PHACTR1: variants seen among roughly 807,000 people sequenced by gnomAD.
PHACTR1 encodes phosphatase and actin regulator 1.
A neutral mutation model predicts 69.2 loss-of-function variants in PHACTR1; 16 were observed. That is an observed-to-expected ratio of 0.23 (90% CI 0.16 to 0.35). The LOEUF (loss-of-function observed/expected upper bound fraction) is 0.35. PHACTR1 is among the 10% of genes least tolerant of loss of function. PHACTR1 has a pLI of 1.00. For synonymous variants in PHACTR1, 312 were observed against 284.5 expected, an observed-to-expected ratio of 1.10 and a Z score of -0.97; for missense variants, 510 against 734.7, an observed-to-expected ratio of 0.69 and a Z score of 3.54.
At chr6:13,126,742 A>G (rs1023379544) in intron 5 of PHACTR1, among the ~76,000 whole-genome samples, 3 of 152,242 alleles carry the variant, frequency 2.0e-5, no homozygotes, top group African/African-American at 7.2e-5. Context: ...AAATGTAAAG[A>G]GGTTCAGTAA....
chr6:13,190,373 T>G (rs1763408880), intron 7 of PHACTR1, among the ~76,000 whole-genome samples: 1 of 151,908 alleles, frequency 6.6e-6, no homozygotes, highest in Non-Finnish European at 1.5e-5. Flanking sequence ...CTTATCATAT[T>G]AGGGTTCCAT....
chr6:12,735,866 T>G (rs909212288), intron 3 of PHACTR1, among the ~76,000 whole-genome samples: 20 of 152,104 alleles, frequency 1.3e-4, no homozygotes, highest in African/African-American at 4.8e-4. Flanking sequence ...ATTAAAGACC[T>G]AAGTTGGGGC....
intron 3 of PHACTR1, among the ~76,000 whole-genome samples, chr6:12,728,393 G>A (rs149793324): frequency 0.013 from 2,016 of 152,012 alleles, 39 homozygotes; most frequent in South Asian, 0.069. Context: ...TTTCTTTCAC[G>A]TACCTTTGGA....
intron 4 of PHACTR1, among the ~76,000 whole-genome samples, chr6:12,933,128 G>A (rs1439585865): frequency 6.6e-6 from 1 of 151,850 alleles, no homozygotes; most frequent in Non-Finnish European, 1.5e-5. Context: ...TAGATATGTG[G>A]TTTAGCCATG....
chr6:13,022,082 C>T (rs1299941629), intron 4 of PHACTR1, among the ~76,000 whole-genome samples: 2 of 152,208 alleles, frequency 1.3e-5, no homozygotes, highest in Admixed American at 1.3e-4. Flanking sequence ...TTTACTGAAC[C>T]TCTGAGGAGT....
At chr6:12,960,094 T>A (rs1243471151) in intron 4 of PHACTR1, among the ~76,000 whole-genome samples, 1 of 152,246 alleles carries the variant, frequency 6.6e-6, no homozygotes, top group East Asian at 1.9e-4. Flanking sequence ...GCATTCCAAT[T>A]CTGCTACCTT....
intron 12 of PHACTR1, among the ~76,000 whole-genome samples, chr6:13,282,761 TAAGA>T (rs1398234437): frequency 4.4e-5 from 4 of 91,780 alleles, no homozygotes; most frequent in Non-Finnish European, 7.2e-5. Flanking sequence ...AAATCCAAAA[TAAGA>T]CAGAATCATT....
At chr6:12,932,064 C>T (rs750967925) in intron 4 of PHACTR1, among the ~76,000 whole-genome samples, 1 of 152,062 alleles carries the variant, frequency 6.6e-6, no homozygotes, top group African/African-American at 2.4e-5. Context: ...AGGTAGGACC[C>T]GAAATCTGTG....
At chr6:13,090,739 G>A (rs1813122522) in intron 5 of PHACTR1, among the ~76,000 whole-genome samples, 1 of 152,106 alleles carries the variant, frequency 6.6e-6, no homozygotes, top group Admixed American at 6.5e-5. Context: ...GAATACTGCA[G>A]CTGTAATTCA....
At chr6:13,230,545 CAAAAAAAAA>C in intron 10 of PHACTR1, 9 of 92,062 alleles carry the variant, frequency 9.8e-5, no homozygotes, top group South Asian at 5.9e-4. Context: ...GACTCTGTCT[CAAAAAAAAA>C]AAAAAAAAAA....
intron 5 of PHACTR1, among the ~76,000 whole-genome samples, chr6:13,133,505 C>T (rs969214263): frequency 1.5e-4 from 23 of 152,014 alleles, no homozygotes; most frequent in Non-Finnish European, 2.1e-4. Context: ...CCGTGTTGGC[C>T]GGGCTGGTCT....
In PHACTR1 at chr6:13,144,391, G is replaced by C. The variant is rs537977173; in HGVS notation, c.416-15813G>C. On this transcript the variant is annotated intron_variant, in intron 5 of 14. Transcript: ENST00000332995. The stretch of plus-strand genomic sequence containing the variant: ...CAAGGTCAATATATAAAAATAAATT[G>C]TATTGCTATATACCAGCAACACATA... 2.6e-5 allele frequency among the ~76,000 whole-genome samples: 4 copies of C among 152,130 alleles called. No individual in the cohort carries two copies. In the South Asian group the frequency reaches 8.3e-4, roughly 32 times the overall value.
At chr6:13,149,066 ACATTTGAATGTTTACC>A (rs370916026) in intron 5 of PHACTR1, among the ~76,000 whole-genome samples, 143,675 of 152,242 alleles carry the variant, frequency 0.94, 68,203 homozygotes, top group Non-Finnish European at 0.99. Flanking sequence ...GTTTACCAGA[ACATTTGAATGTTTACC>A]AGAACATTTG....
At chr6:13,220,043 C>T (rs987503905) in intron 8 of PHACTR1, among the ~76,000 whole-genome samples, 3 of 152,182 alleles carry the variant, frequency 2.0e-5, no homozygotes, top group African/African-American at 4.8e-5. Flanking sequence ...CCCTTCTTAA[C>T]TCTGCAAGTT....
At chr6:13,138,260 A>C (rs1396180113) in intron 5 of PHACTR1, among the ~76,000 whole-genome samples, 1 of 152,180 alleles carries the variant, frequency 6.6e-6, no homozygotes, top group African/African-American at 2.4e-5. Flanking sequence ...CAATGATTAC[A>C]TGTCAAAGAG....
At chr6:12,967,152 A>G (rs1793603861) in intron 4 of PHACTR1, among the ~76,000 whole-genome samples, 3 of 152,224 alleles carry the variant, frequency 2.0e-5, no homozygotes, top group Admixed American at 1.3e-4. Context: ...TATGGATAAA[A>G]GTGTTTCCAA....
chr6:12,819,511 A>G (rs1038360063), intron 4 of PHACTR1, among the ~76,000 whole-genome samples: 1 of 152,082 alleles, frequency 6.6e-6, no homozygotes, highest in African/African-American at 2.4e-5. Context: ...GGTTCTTCTC[A>G]ATGCACCTCT....
intron 3 of PHACTR1, among the ~76,000 whole-genome samples, chr6:12,746,996 T>C (rs1422917330): frequency 6.6e-6 from 1 of 152,228 alleles, no homozygotes; most frequent in Non-Finnish European, 1.5e-5. Flanking sequence ...AATCAATAGA[T>C]TGGTTTACAG....
chr6:13,082,000 C>T (rs979598761), intron 5 of PHACTR1, among the ~76,000 whole-genome samples: 1 of 152,182 alleles, frequency 6.6e-6, no homozygotes. Flanking sequence ...TAAGATCAAT[C>T]TGGCCACACT....
Sources: allele counts gnomAD v4.1 joint callset (sites outside exome capture counted in the v4.1 genomes callset), GRCh38; gene constraint gnomAD v4.1.1; transcripts MANE v1.5; gene names NCBI Gene and HGNC (gene_info 2026-07-23, HGNC 2026-07-21).